BAIAP2: variants seen among roughly 807,000 people sequenced by gnomAD.
BAIAP2 encodes BAR/IMD domain containing adaptor protein 2, also known as BAR/IMD domain-containing adapter protein 2.
In BAIAP2, 18 loss-of-function variants were observed where a neutral mutation model predicts 63.0. That is an observed-to-expected ratio of 0.29 (90% CI 0.20 to 0.42). The LOEUF is 0.42. Among genes scored for constraint, BAIAP2 ranks in the 10% least tolerant of loss-of-function variants. The probability of loss-of-function intolerance (pLI) is 1.00; values close to 1 mark genes in which losing one functional copy is unlikely to be tolerated. For missense variants in BAIAP2, 610 were observed against 734.3 expected, an observed-to-expected ratio of 0.83 and a Z score of 1.96; for synonymous variants, 386 against 307.6, an observed-to-expected ratio of 1.25 and a Z score of -2.67.
chr17:81,116,467 C>T lies in BAIAP2; in HGVS notation c.*628C>T, dbSNP rs1032638409. ...GGCCCCTCCTGCCTCGGGCAGGCCC[C>T]AGCCCTCCTCCTTACCCAACCTCCC... On this transcript the variant is annotated 3_prime_UTR_variant, in exon 14 of 14. Transcript: ENST00000428708. The T allele has an allele frequency of 8.7e-6, 8 of 916,068 alleles. No homozygotes were observed. The African/African-American group carries it at 1.0e-4, about 12-fold the overall frequency. 56.7% of individuals were successfully genotyped at this position (916,068 alleles called of 1,614,324 possible).
intron 2 of BAIAP2, 165 bp from the exon 3 acceptor site, chr17:81,057,716 A>C (rs2144306927): frequency 1.0e-5 from 14 of 1,392,980 alleles, no homozygotes; most frequent in Non-Finnish European, 1.3e-5. Context: ...TCAACAAGAG[A>C]TGGGTTCTGT....
intron 6 of BAIAP2, among the ~76,000 whole-genome samples, chr17:81,099,063 G>A (rs957985823): frequency 6.8e-5 from 10 of 147,052 alleles, no homozygotes; most frequent in Non-Finnish European, 1.5e-4. Flanking sequence ...CAGCAATCAG[G>A]CCTACTTCTC....
intron 3 of BAIAP2, among the ~76,000 whole-genome samples, chr17:81,067,880 G>A (rs1302108899): frequency 3.3e-5 from 5 of 152,246 alleles, no homozygotes; most frequent in Non-Finnish European, 7.3e-5. Flanking sequence ...CCGTCCCTCG[G>A]TACTGTCACC....
chr17:81,040,406 C>T (rs892349818), intron 1 of BAIAP2, among the ~76,000 whole-genome samples: 9 of 152,262 alleles, frequency 5.9e-5, no homozygotes, highest in Admixed American at 6.5e-5. Flanking sequence ...CCACCTCCCC[C>T]GAGCGCTGAT....
At chr17:81,085,610 A>C (rs1047795666) in intron 4 of BAIAP2, 44 bp from the exon 5 acceptor site, 1 of 1,537,270 alleles carries the variant, frequency 6.5e-7, no homozygotes, top group African/African-American at 1.4e-5. Context: ...TTCCGGGTCC[A>C]TGTGTTGGAG....
At chr17:81,086,363 G>T in intron 5 of BAIAP2, 80 bp from the exon 6 acceptor site, 1 of 1,556,884 alleles carries the variant, frequency 6.4e-7, no homozygotes, top group Admixed American at 1.8e-5. Context: ...TGGGCTCATG[G>T]GCCTCGGTTT....
At chr17:81,110,686 C>T (rs968074188) in intron 13 of BAIAP2, among the ~76,000 whole-genome samples, 3 of 152,194 alleles carry the variant, frequency 2.0e-5, no homozygotes, top group African/African-American at 7.2e-5. Context: ...CCGGGCTCTG[C>T]GGGGGGCCGT....
chr17:81,071,333 C>A (rs1225272452), intron 3 of BAIAP2, among the ~76,000 whole-genome samples: 1 of 152,124 alleles, frequency 6.6e-6, no homozygotes, highest in African/African-American at 2.4e-5. Context: ...CCTGTCAGCC[C>A]CCTGGCCATC....
chr17:81,068,440 G>A (rs541371956), intron 3 of BAIAP2, among the ~76,000 whole-genome samples: 1 of 152,354 alleles, frequency 6.6e-6, no homozygotes, highest in South Asian at 2.1e-4. Context: ...CCAGGACCCT[G>A]GTCAGTGCCA....
chr17:81,062,242 C>T (rs1389215494), intron 3 of BAIAP2, among the ~76,000 whole-genome samples: 1 of 152,160 alleles, frequency 6.6e-6, no homozygotes, highest in Non-Finnish European at 1.5e-5. Context: ...TGAGCCATCG[C>T]ACCCAGATCT....
rs2058761142 is a variant in BAIAP2 at position 81,103,510 on chromosome 17, G to A, written c.651G>A (p.Glu217=). Residue 217 remains glutamate, a synonymous_variant, in exon 8 of 14, where the codon GAG becomes GAA. Transcript: ENST00000428708. ...TGCTGCTTCCACTTCAGGGCAAGGA[G>A]CTGCTGGCGCAGAAGCTGCCGCTGT... is the stretch of plus-strand genomic sequence containing the variant. ...NSAAYHSKGK[E]LLAQKLPLWQ... 1.9e-6 allele frequency: 3 copies of A among 1,573,578 alleles called. No homozygotes were observed. The highest frequency in any genetic ancestry group is 2.3e-5 in the East Asian group (1 of 43,174).
chr17:81,104,251 A>G (rs1272982306), intron 9 of BAIAP2, 143 bp downstream of exon 9: 16 of 970,908 alleles, frequency 1.6e-5, no homozygotes, highest in East Asian at 2.6e-5. Flanking sequence ...TGCATGTGGT[A>G]CACACACGTG....
intron 3 of BAIAP2, among the ~76,000 whole-genome samples, chr17:81,081,445 T>C (rs994960895): frequency 6.6e-6 from 1 of 152,126 alleles, no homozygotes; most frequent in Non-Finnish European, 1.5e-5. Flanking sequence ...GGGTGGATGG[T>C]GGAGGGGCCA....
intron 6 of BAIAP2, chr17:81,087,891 G>A (rs1293761094): frequency 2.0e-5 from 3 of 152,002 alleles, no homozygotes; most frequent in Admixed American, 6.6e-5. Context: ...TTTGCACTCC[G>A]GGTAAGCTGC....
At chr17:81,108,325 G>T in intron 12 of BAIAP2, 150 bp from the exon 13 acceptor site, 1 of 790,736 alleles carries the variant, frequency 1.3e-6, no homozygotes. Context: ...GTCTCTGAGT[G>T]CTGCAGCCAG....
In BAIAP2 at chr17:81,035,216, C is replaced by T. The variant is rs902389350; in HGVS notation, c.-39C>T. The T allele has an allele frequency of 2.3e-5, 33 of 1,461,068 alleles. No individual in the cohort carries two copies. The highest frequency in any genetic ancestry group is 8.8e-5 in the African/African-American group (6 of 68,072). 90.5% of individuals were successfully genotyped at this position (1,461,068 alleles called of 1,614,324 possible). A position where few individuals can be genotyped will look rare whatever the true frequency, so the allele number is the denominator to read the frequency against. On this transcript the variant is annotated 5_prime_UTR_variant, in exon 1 of 14. Transcript: ENST00000428708. The stretch of plus-strand genomic sequence containing the variant: ...CCGCCGCTGCTGCCGCCGCTTGCGT[C>T]CCCCGCTCCGGTCTGTGGTGCAGCC...
chr17:81,055,129 G>C (rs1030003553), intron 2 of BAIAP2, among the ~76,000 whole-genome samples: 1 of 152,200 alleles, frequency 6.6e-6, no homozygotes, highest in African/African-American at 2.4e-5. Context: ...GGGTGGAGTT[G>C]GTTGTCCAGT....
rs868516212 is a variant in BAIAP2, at chr17:81,104,579, C to T, written c.1132C>T (p.Arg378Trp). ...AAGLERNGRMRVKAIFSHAAG... is the reference protein window; with the variant it reads ...AAGLERNGRMWVKAIFSHAAG... ...CGGCCTGGAGCGCAATGGCCGTATG[C>T]GGGTGAAGGCCATCTTCTCCCACGC... is the stretch of plus-strand genomic sequence containing the variant. The change falls in exon 10 of 14, where the codon CGG becomes TGG. Residue 378 changes from arginine to tryptophan, a missense_variant. By Grantham distance (101) the Arg-to-Trp change is moderately radical. Around this residue, in one of 5 missense-constraint regions of BAIAP2, gnomAD observed 67 missense variants for 132.0 expected, o/e 0.51. Transcript: ENST00000428708. The T allele has an allele frequency of 6.8e-6, 11 of 1,611,948 alleles. No individual in the cohort carries two copies. Among genetic ancestry groups the T allele is most frequent in the Non-Finnish European group, 9.3e-6 (11 of 1,179,906 alleles).
intron 1 of BAIAP2, among the ~76,000 whole-genome samples, chr17:81,037,116 A>T (rs928270410): frequency 6.6e-6 from 1 of 152,136 alleles, no homozygotes; most frequent in African/African-American, 2.4e-5. Flanking sequence ...CTTAGGACTG[A>T]GTGTTTGGGG....
Sources: allele counts gnomAD v4.1 joint callset (sites outside exome capture counted in the v4.1 genomes callset), GRCh38; gene constraint gnomAD v4.1.1; regional missense constraint gnomAD v4.1.1; transcripts MANE v1.5; gene names NCBI Gene and HGNC (gene_info 2026-07-23, HGNC 2026-07-21).